SPDYE5: variants seen among roughly 807,000 people sequenced by gnomAD.
SPDYE5 encodes speedy/RINGO cell cycle regulator family member E5.
A neutral mutation model predicts 48.5 loss-of-function variants in SPDYE5; 15 were observed. The observed-to-expected ratio is 0.31, with a 90% CI of 0.21 to 0.48. SPDYE5 has a LOEUF of 0.48. Among genes scored for constraint, SPDYE5 ranks in the 20% least tolerant of loss-of-function variants. SPDYE5 has a pLI of 0.99. For synonymous variants in SPDYE5, 116 were observed against 200.7 expected (o/e 0.58, Z 3.57); for missense variants, 331 against 549.1 (o/e 0.60, Z 3.97).
chr7:75,492,092 GGAA>G (rs1792756680), upstream of SPDYE5, among the ~76,000 whole-genome samples: 2 of 151,954 alleles, frequency 1.3e-5, no homozygotes, highest in African/African-American at 4.8e-5. Context: ...CAAGGTGGCC[GGAA>G]GAGAGAGGAA....
chr7:75,502,602 C>T (rs1438249936), intron 8 of SPDYE5, among the ~76,000 whole-genome samples: 1 of 150,778 alleles, frequency 6.6e-6, no homozygotes, highest in Admixed American at 6.6e-5. Flanking sequence ...TGCTATGAAG[C>T]AGATCACTGG....
chr7:75,496,398 CAACAACAA>C lies in SPDYE5; in HGVS notation c.380-273_380-266del, dbSNP rs1376501976. ...CAAGACTGTTTCTCAACAACAACAA[CAACAACAA>C]AAAAAAAAAAAAAAAAAAGGGACTC... On this transcript the variant is annotated intron_variant, in intron 3 of 8. Coordinates refer to ENST00000625065, the MANE Select transcript of SPDYE5 (RefSeq NM_001306141.4). Among the ~76,000 whole-genome samples, 336 of 44,348 alleles carry C rather than the reference CAACAACAA, an allele frequency of 7.6e-3. 1 individual carries two copies. Among genetic ancestry groups the C allele is most frequent in the Middle Eastern group, 0.019 (1 of 54 alleles). The allele number at this position is 44,348 out of a possible 152,430, so 29.1% of individuals were successfully genotyped here.
intron 6 of SPDYE5, among the ~76,000 whole-genome samples, chr7:75,500,982 A>C (rs1478056652): frequency 6.6e-6 from 1 of 152,152 alleles, no homozygotes; most frequent in Non-Finnish European, 1.5e-5. Flanking sequence ...TGCTGGGATT[A>C]CAGGCATGAG....
At position 75,501,860 on chromosome 7, in the gene SPDYE5, G is replaced by T; in HGVS notation, c.1150-18G>T. On this transcript the variant is annotated intron_variant, in intron 7 of 8. Coordinates refer to ENST00000625065, the MANE Select transcript of SPDYE5 (RefSeq NM_001306141.4). ...CCTGGCGAGTCCCCGTCTTCTCAAAGGGCGTTTGTTTTTCCAGATCCAGGC... is the reference window on the plus strand; with the variant it reads ...CCTGGCGAGTCCCCGTCTTCTCAAATGGCGTTTGTTTTTCCAGATCCAGGC... 1 of 1,612,096 alleles carries T rather than the reference G, an allele frequency of 6.2e-7. No individual in the cohort carries two copies. Among genetic ancestry groups the T allele is most frequent in the South Asian group, 1.1e-5 (1 of 90,992 alleles).
intron 3 of SPDYE5, among the ~76,000 whole-genome samples, chr7:75,496,161 C>T (rs1344583864): frequency 1.7e-3 from 241 of 145,778 alleles, no homozygotes; most frequent in African/African-American, 6.3e-3. Context: ...GCCAGGCAGG[C>T]AGATCACTTG....
At chr7:75,496,547 A>T (rs587752159) in intron 3 of SPDYE5, 127 bp from the exon 4 acceptor site, 1 of 1,193,944 alleles carries the variant, frequency 8.4e-7, no homozygotes, top group East Asian at 2.4e-5. Flanking sequence ...GACAGAAGGA[A>T]AGATGGCTTG....
rs1272747494 is a variant in SPDYE5 at position 75,501,621 on chromosome 7, T to G, written c.1015T>G (p.Phe339Val). ...CATACCCTTGCTCCGTAAGCGTCGG[T>G]TCCAGTTAGGCCGTTCCATGAACCT... ...SRIPLLRKRRFQLGRSMNLRA... is the reference protein window; with the variant it reads ...SRIPLLRKRRVQLGRSMNLRA... The change falls in exon 7 of 9, where the codon TTC becomes GTC. Residue 339 changes from phenylalanine to valine, a missense_variant. Coordinates refer to ENST00000625065, the MANE Select transcript of SPDYE5 (RefSeq NM_001306141.4). The G allele has an allele frequency of 6.2e-7, 1 of 1,613,092 alleles. No individual in the cohort carries two copies. Among genetic ancestry groups the G allele is most frequent in the Non-Finnish European group, 8.5e-7 (1 of 1,179,628 alleles).
chr7:75,501,772 GA>G lies in SPDYE5; in HGVS notation c.1149+18del. 6.4e-7 allele frequency: 1 copy of G among 1,564,760 alleles called. No homozygotes were observed. Among genetic ancestry groups the G allele is most frequent in the African/African-American group, 2.5e-5 (1 of 40,288 alleles). The stretch of plus-strand genomic sequence containing the variant: ...TTGGAGGAGGTAGGTGGGGCCTGGG[GA>G]GGTGGAGGAGGTGGGGAGGAATCGG... On this transcript the variant is annotated intron_variant, in intron 7 of 8. Coordinates refer to ENST00000625065, the MANE Select transcript of SPDYE5 (RefSeq NM_001306141.4).
At position 75,500,974 on chromosome 7, in the gene SPDYE5, C is replaced by T. The variant is rs1382319073; in HGVS notation, c.756-388C>T. ...CCACCTGCTTCATTCTTCTAAAGTG[C>T]TGGGATTACAGGCATGAGCCACCGC... On this transcript the variant is annotated intron_variant, in intron 6 of 8. Coordinates refer to ENST00000625065, the MANE Select transcript of SPDYE5 (RefSeq NM_001306141.4). Among the ~76,000 whole-genome samples the T allele has an allele frequency of 3.9e-5, 6 of 152,212 alleles. No individual in the cohort carries two copies. In the East Asian group the frequency reaches 9.6e-4, roughly 24 times the overall value.
rs1216304851 is a variant in SPDYE5, at chr7:75,503,030, G to A, written c.*243G>A. 4.1e-6 allele frequency: 2 copies of A among 487,558 alleles called. No homozygotes were observed. Among genetic ancestry groups the A allele is most frequent in the Admixed American group, 2.1e-5 (1 of 47,246 alleles). 30.2% of individuals were successfully genotyped at this position (487,558 alleles called of 1,614,324 possible). On this transcript the variant is annotated 3_prime_UTR_variant, in exon 9 of 9. Transcript: ENST00000625065. ...GGGGGAGGGGGGTGGGGTCCTTCTA[G>A]GAGTCCTTGGAGAAAAGTAAGAAAC...
intron 3 of SPDYE5, among the ~76,000 whole-genome samples, chr7:75,495,810 T>C (rs1258987733): frequency 6.6e-6 from 1 of 152,010 alleles, no homozygotes; most frequent in Non-Finnish European, 1.5e-5. Flanking sequence ...GAGGCTAAGA[T>C]GGGTGGATCA....
chr7:75,502,713 C>T (rs1793199751), intron 8 of SPDYE5, 120 bp from the exon 9 acceptor site: 4 of 1,151,118 alleles, frequency 3.5e-6, no homozygotes, highest in Non-Finnish European at 4.3e-6. Context: ...GAATGAAAGG[C>T]AGCAGATAAA....
intron 3 of SPDYE5, among the ~76,000 whole-genome samples, chr7:75,495,910 A>C (rs1485222437): frequency 1.3e-5 from 2 of 151,698 alleles, no homozygotes; most frequent in African/African-American, 4.8e-5. Flanking sequence ...CATGCCTGTT[A>C]TCCCAGCTAC....
intron 2 of SPDYE5, chr7:75,494,861 TG>T (rs1554482261): frequency 7.2e-7 from 1 of 1,384,788 alleles, no homozygotes; most frequent in African/African-American, 1.5e-5. Flanking sequence ...CACTCCAGCC[TG>T]GGTGACAAAG....
At chr7:75,501,816 T>A in intron 7 of SPDYE5, 61 bp downstream of exon 7, 3 of 1,611,732 alleles carry the variant, frequency 1.9e-6, no homozygotes, top group Non-Finnish European at 2.5e-6. Flanking sequence ...GGAGGCTGGA[T>A]GAGGGGAGAG....
intron 3 of SPDYE5, among the ~76,000 whole-genome samples, chr7:75,496,071 G>T (rs368745562): frequency 6.7e-6 from 1 of 148,970 alleles, no homozygotes; most frequent in East Asian, 2.0e-4. Context: ...GAAGGAGCAC[G>T]TGAGGAGGGT....
intron 3 of SPDYE5, among the ~76,000 whole-genome samples, 152 bp from the exon 4 acceptor site, chr7:75,496,522 T>C (rs1404651185): frequency 2.1e-5 from 3 of 145,972 alleles, no homozygotes; most frequent in Non-Finnish European, 4.5e-5. Flanking sequence ...CACATGGAGC[T>C]CAGCAGAGGA....
chr7:75,504,062 T>C lies in SPDYE5; in HGVS notation c.*1275T>C, dbSNP rs1347908514. ...CTGTGATACTTAGTTAACATATATA[T>C]TACATTTATAGCTATGTAGTAGTTC... is the stretch of plus-strand genomic sequence containing the variant. On this transcript the variant is annotated 3_prime_UTR_variant, in exon 9 of 9. Transcript: ENST00000625065. 6.6e-6 allele frequency: 1 copy of C among 152,088 alleles called. No homozygotes were observed. Among genetic ancestry groups the C allele is most frequent in the African/African-American group, 2.4e-5 (1 of 41,448 alleles). The allele number at this position is 152,088 out of a possible 1,614,324, so 9.4% of individuals were successfully genotyped here. A position where few individuals can be genotyped will look rare whatever the true frequency, so the allele number is the denominator to read the frequency against.
rs1203637833 is a variant in SPDYE5, at chr7:75,504,213, T to G, written c.*1426T>G. On this transcript the variant is annotated 3_prime_UTR_variant, in exon 9 of 9. Transcript: ENST00000625065. ...ATGTTACTTTAAAGAGGATGTGTGT[T>G]CTAAAGGAGGACATGAGCTGTGTGT... 2 of 152,096 alleles carry G rather than the reference T, an allele frequency of 1.3e-5. No individual in the cohort carries two copies. The highest frequency in any genetic ancestry group is 4.8e-5 in the African/African-American group (2 of 41,410). The allele number at this position is 152,096 out of a possible 1,614,324, so 9.4% of individuals were successfully genotyped here. A position where few individuals can be genotyped will look rare whatever the true frequency, so the allele number is the denominator to read the frequency against.
Sources: allele counts gnomAD v4.1 joint callset (sites outside exome capture counted in the v4.1 genomes callset), GRCh38; gene constraint gnomAD v4.1.1; transcripts MANE v1.5; gene names NCBI Gene and HGNC (gene_info 2026-07-23, HGNC 2026-07-21).